The following DMD variants were observed in gnomAD, a reference collection of about 807,000 sequenced individuals.
DMD encodes the protein dystrophin.
Under a neutral mutation model 330.1 loss-of-function variants are expected in DMD, and 63 were observed. The ratio of observed to expected loss-of-function variants is 0.19; its 90% CI spans 0.16 to 0.24. The LOEUF (loss-of-function observed/expected upper bound fraction) is 0.24, where lower values mean the gene tolerates loss of function less well. DMD is among the 10% of genes least tolerant of loss of function. DMD has a pLI of 1.00. For missense variants in DMD, 3,344 were observed against 2,684.1 expected (o/e 1.25, Z -5.43); for synonymous variants, 1,223 against 959.8 (o/e 1.27, Z -5.07).
chrX:32,682,708 C>A (rs1258049772), intron 9 of DMD, among the ~76,000 whole-genome samples: 1 of 111,597 alleles, frequency 9.0e-6, no homozygotes, highest in African/African-American at 3.3e-5. Flanking sequence ...TTATTAACAC[C>A]ATTCATATTT....
In DMD at chrX:32,502,230, G is replaced by A. The variant is rs188437755; in HGVS notation, c.2293-388C>T. ...TGAAATTACTAATAAGTATATAGGC[G>A]GTATTAAAAATCAAATTGAGAATCC... On this transcript the variant is annotated intron_variant, in intron 18 of 78. Coordinates refer to ENST00000357033, the MANE Select transcript of DMD (RefSeq NM_004006.3). 1.2e-3 allele frequency among the ~76,000 whole-genome samples: 134 copies of A among 110,368 alleles called. 2 individuals are homozygous for A. In the East Asian group the frequency reaches 0.035, roughly 29 times the overall value.
intron 61 of DMD, among the ~76,000 whole-genome samples, chrX:31,336,830 G>A (rs2057427199): frequency 8.9e-6 from 1 of 111,829 alleles, no homozygotes; most frequent in South Asian, 3.7e-4. Flanking sequence ...ATATGATACT[G>A]TAATAGTCTG....
At chrX:32,877,154 G>T (rs946804565) in intron 2 of DMD, among the ~76,000 whole-genome samples, 2 of 111,767 alleles carry the variant, frequency 1.8e-5, no homozygotes, top group Non-Finnish European at 3.8e-5. Context: ...AAACAAAGAA[G>T]TATCATTACA....
At chrX:32,501,499 G>T (rs1318301649) in intron 19 of DMD, among the ~76,000 whole-genome samples, 3 of 111,045 alleles carry the variant, frequency 2.7e-5, no homozygotes, top group Non-Finnish European at 5.7e-5. Flanking sequence ...TAGCAGATTT[G>T]CATTAAAATT....
chrX:32,738,417 C>T (rs957053514), intron 7 of DMD, among the ~76,000 whole-genome samples: 7 of 111,526 alleles, frequency 6.3e-5, no homozygotes, highest in African/African-American at 2.3e-4. Flanking sequence ...TGGGTAAATT[C>T]CTTTCTCTCC....
intron 44 of DMD, among the ~76,000 whole-genome samples, chrX:32,001,791 G>A (rs1385397788): frequency 9.0e-6 from 1 of 111,312 alleles, no homozygotes; most frequent in East Asian, 2.8e-4. Context: ...CTAAAACAGT[G>A]GCCGGAAAAA....
intron 55 of DMD, among the ~76,000 whole-genome samples, chrX:31,585,975 T>C (rs890381228): frequency 2.7e-5 from 3 of 111,352 alleles, no homozygotes; most frequent in African/African-American, 9.8e-5. Flanking sequence ...GTTTGGTCTC[T>C]AGACCAATGC....
intron 9 of DMD, among the ~76,000 whole-genome samples, chrX:32,671,440 T>C (rs760953536): frequency 1.8e-5 from 2 of 111,554 alleles, no homozygotes; most frequent in Middle Eastern, 4.6e-3. Flanking sequence ...TAAATGTTAT[T>C]TTAAAACAAA....
chrX:32,372,456 T>C (rs1215931177), intron 34 of DMD, among the ~76,000 whole-genome samples: 1 of 111,760 alleles, frequency 8.9e-6, no homozygotes, highest in Non-Finnish European at 1.9e-5. Context: ...TAATCTCCTG[T>C]AGATTGCCTT....
At chrX:32,824,314 T>C (rs1314248256) in intron 4 of DMD, among the ~76,000 whole-genome samples, 1 of 112,058 alleles carries the variant, frequency 8.9e-6, no homozygotes, top group Non-Finnish European at 1.9e-5. Flanking sequence ...TAAGTGTTCA[T>C]ACTACGTTTA....
intron 1 of DMD, among the ~76,000 whole-genome samples, chrX:33,116,833 T>C (rs1490645939): frequency 1.8e-5 from 2 of 110,891 alleles, no homozygotes; most frequent in Non-Finnish European, 3.8e-5. Context: ...TGAGCTGGCC[T>C]GTATAGGAGA....
At chrX:32,000,680 T>C (rs2095620143) in intron 44 of DMD, among the ~76,000 whole-genome samples, 1 of 111,893 alleles carries the variant, frequency 8.9e-6, no homozygotes, top group South Asian at 3.7e-4. Flanking sequence ...TGCGTTATAA[T>C]GTATCATATT....
At chrX:32,173,674 T>G (rs1340790379) in intron 44 of DMD, among the ~76,000 whole-genome samples, 7 of 111,981 alleles carry the variant, frequency 6.3e-5, no homozygotes, top group African/African-American at 2.3e-4. Context: ...ACCAGCCTCC[T>G]AAAAATTATC....
intron 7 of DMD, among the ~76,000 whole-genome samples, chrX:32,808,715 A>G (rs1198663754): frequency 1.8e-5 from 2 of 111,988 alleles, no homozygotes; most frequent in African/African-American, 6.5e-5. Flanking sequence ...CCCAAATATC[A>G]TCTTCAATCC....
rs2076194276 is a variant in DMD at position 31,578,240 on chromosome X, A to C, written c.8217+49433T>G. ...CATGTGAACCTCAAAACAACCTTGAAGTATAGGCAAGACAGGTGTCATTAA... is the reference window on the plus strand; with the variant it reads ...CATGTGAACCTCAAAACAACCTTGACGTATAGGCAAGACAGGTGTCATTAA... On this transcript the variant is annotated intron_variant, in intron 55 of 78. Transcript: ENST00000357033. 9.8e-5 allele frequency among the ~76,000 whole-genome samples: 11 copies of C among 112,073 alleles called. No individual in the cohort carries two copies. In the South Asian group the frequency reaches 3.3e-3, roughly 34 times the overall value.
chrX:32,123,613 C>G (rs781428933), intron 44 of DMD, among the ~76,000 whole-genome samples: 61 of 111,732 alleles, frequency 5.5e-4, no homozygotes, highest in African/African-American at 2.0e-3. Context: ...CACCTCTTAA[C>G]TATACCTATA....
chrX:32,617,108 T>A (rs2057642797), intron 11 of DMD, among the ~76,000 whole-genome samples: 1 of 110,662 alleles, frequency 9.0e-6, no homozygotes. Flanking sequence ...TAAGCACAAA[T>A]GGTCAACTGA....
rs150227851 is a variant in DMD at position 33,338,635 on chromosome X, T to A, written c.7+624A>T. 3.8e-4 allele frequency among the ~76,000 whole-genome samples: 42 copies of A among 111,222 alleles called. 1 individual carries two copies. The East Asian group carries it at 0.012, about 32-fold the overall frequency. On this transcript the variant is annotated intron_variant, in intron 1 of 17. Coordinates refer to the DMD transcript ENST00000288447. ...ATAGACCAGCTGGGTCGACATCAAC[T>A]TGGCAAAACGTGAATACAGTTCAAT...
At chrX:32,048,370 A>G (rs759714372) in intron 44 of DMD, among the ~76,000 whole-genome samples, 215 of 104,334 alleles carry the variant, frequency 2.1e-3, no homozygotes, top group Non-Finnish European at 3.7e-3. Context: ...CTCTTGACAC[A>G]TATCATAAGG....
Sources: allele counts gnomAD v4.1 joint callset (sites outside exome capture counted in the v4.1 genomes callset), GRCh38; gene constraint gnomAD v4.1.1; transcripts MANE v1.5; gene names NCBI Gene and HGNC (gene_info 2026-07-23, HGNC 2026-07-21).